The following KCNQ5 variants were observed in gnomAD, a reference collection of about 807,000 sequenced individuals.
KCNQ5 encodes the protein potassium voltage-gated channel subfamily Q member 5, also known as potassium voltage-gated channel subfamily KQT member 5.
Under a neutral mutation model 98.2 loss-of-function variants are expected in KCNQ5, and 30 were observed. The observed-to-expected ratio is 0.31, with a 90% CI of 0.23 to 0.41. The LOEUF is 0.41. Ranked by LOEUF, KCNQ5 falls within the 10% of genes least tolerant of loss-of-function variation. KCNQ5 has a pLI of 1.00. For synonymous variants in KCNQ5, 458 were observed against 449.4 expected, an observed-to-expected ratio of 1.02 and a Z score of -0.24; for missense variants, 835 against 1,182.5, an observed-to-expected ratio of 0.71 and a Z score of 4.31.
At chr6:72,655,030 T>G (rs371394475) in intron 1 of KCNQ5, among the ~76,000 whole-genome samples, 249 of 43,512 alleles carry the variant, frequency 5.7e-3, no homozygotes, top group South Asian at 0.023. Context: ...CTGTCTGTCT[T>G]TCTTTCTTTC....
chr6:72,660,972 C>T (rs567135029), intron 1 of KCNQ5, among the ~76,000 whole-genome samples: 174 of 151,992 alleles, frequency 1.1e-3, no homozygotes, highest in African/African-American at 3.6e-3. Flanking sequence ...ATAGAGGTCT[C>T]GTGTGTAGGT....
At chr6:72,827,137 T>C (rs1776037992) in intron 1 of KCNQ5, among the ~76,000 whole-genome samples, 1 of 152,218 alleles carries the variant, frequency 6.6e-6, no homozygotes, top group African/African-American at 2.4e-5. Context: ...GTGGTACACC[T>C]CAGTTGATGC....
At chr6:72,877,203 A>T (rs1483651414) in intron 1 of KCNQ5, among the ~76,000 whole-genome samples, 1 of 152,014 alleles carries the variant, frequency 6.6e-6, no homozygotes, top group African/African-American at 2.4e-5. Flanking sequence ...TCCTAATGCT[A>T]TCCCTCTCCT....
Position 72,622,636 on chromosome 6 carries a change from C to G in KCNQ5, c.398+49C>G. 6.2e-7 allele frequency: 1 copy of G among 1,600,664 alleles called. No homozygotes were observed. Among genetic ancestry groups the G allele is most frequent in the African/African-American group, 1.3e-5 (1 of 74,704 alleles). On this transcript the variant is annotated intron_variant, in intron 1 of 13. Coordinates refer to ENST00000370398, the MANE Select transcript of KCNQ5 (RefSeq NM_019842.4). This position sits in a 1 kb window ranked among gnomAD's most constrained non-coding sequence, Gnocchi z 6.0. The stretch of plus-strand genomic sequence containing the variant: ...TGCCCGCTGCAGGGGACCACTGTCC[C>G]TGGCCCCCTGGGGCGTGCTCCGCGC...
At chr6:72,702,323 A>C (rs968980371) in intron 1 of KCNQ5, among the ~76,000 whole-genome samples, 1 of 152,218 alleles carries the variant, frequency 6.6e-6, no homozygotes, top group Non-Finnish European at 1.5e-5. Context: ...CTGAGATAAC[A>C]GTAGGAACCA....
At chr6:72,779,484 AT>A (rs200174354) in intron 1 of KCNQ5, among the ~76,000 whole-genome samples, 15 of 151,354 alleles carry the variant, frequency 9.9e-5, no homozygotes, top group Admixed American at 3.3e-4. Flanking sequence ...TTACTTATTC[AT>A]TTTTTTTTCC....
At chr6:73,097,807 G>A (rs910095250) in intron 5 of KCNQ5, among the ~76,000 whole-genome samples, 1 of 152,210 alleles carries the variant, frequency 6.6e-6, no homozygotes, top group African/African-American at 2.4e-5. Flanking sequence ...GCATTACTGG[G>A]CTTGGGGTAC....
chr6:73,110,974 C>A (rs1775220267), intron 6 of KCNQ5, among the ~76,000 whole-genome samples: 1 of 152,076 alleles, frequency 6.6e-6, no homozygotes, highest in Non-Finnish European at 1.5e-5. Flanking sequence ...AGAAATGTCA[C>A]AGAGAAGGCC....
At chr6:72,843,269 G>A (rs1184648880) in intron 1 of KCNQ5, among the ~76,000 whole-genome samples, 1 of 152,060 alleles carries the variant, frequency 6.6e-6, no homozygotes, top group African/African-American at 2.4e-5. Context: ...TTTTTGTCAG[G>A]TTTGTCAAAG....
chr6:72,831,054 G>C (rs547764909), intron 1 of KCNQ5, among the ~76,000 whole-genome samples: 1 of 152,154 alleles, frequency 6.6e-6, no homozygotes, highest in African/African-American at 2.4e-5. Context: ...AGTTAGAATG[G>C]CGATCATTAA....
At chr6:72,840,309 T>C (rs1323482855) in intron 1 of KCNQ5, among the ~76,000 whole-genome samples, 4 of 152,218 alleles carry the variant, frequency 2.6e-5, no homozygotes, top group Non-Finnish European at 4.4e-5. Flanking sequence ...GGTAATTTTA[T>C]TTTTAGTATT....
At chr6:73,071,119 A>G (rs558381104) in intron 3 of KCNQ5, among the ~76,000 whole-genome samples, 4 of 152,286 alleles carry the variant, frequency 2.6e-5, no homozygotes, top group African/African-American at 9.6e-5. Context: ...GACTTATAAT[A>G]TCCCAGGTAA....
chr6:73,185,758 G>A (rs1778549051), intron 11 of KCNQ5, among the ~76,000 whole-genome samples: 2 of 152,312 alleles, frequency 1.3e-5, no homozygotes, highest in African/African-American at 2.4e-5. Flanking sequence ...AGGACTTTAG[G>A]AGGGAGGTAA....
chr6:73,044,398 A>T (rs535170715), intron 3 of KCNQ5, among the ~76,000 whole-genome samples: 1 of 152,382 alleles, frequency 6.6e-6, no homozygotes, highest in South Asian at 2.1e-4. Context: ...AGAAAATTTC[A>T]TGGATAAATA....
intron 1 of KCNQ5, among the ~76,000 whole-genome samples, chr6:72,829,800 A>G (rs1054669526): frequency 4.6e-5 from 7 of 152,318 alleles, no homozygotes; most frequent in African/African-American, 1.7e-4. Flanking sequence ...TCAAGTTTAC[A>G]TAAAAAAGAA....
chr6:73,089,193 A>G (rs1004578992), intron 5 of KCNQ5, among the ~76,000 whole-genome samples: 1 of 152,192 alleles, frequency 6.6e-6, no homozygotes, highest in Non-Finnish European at 1.5e-5. Context: ...CCCAACCCAC[A>G]TACAATTTAC....
At chr6:73,063,703 G>GATAA (rs1171568509) in intron 3 of KCNQ5, among the ~76,000 whole-genome samples, 8 of 124,020 alleles carry the variant, frequency 6.5e-5, no homozygotes, top group South Asian at 6.0e-4. Context: ...TAGATAGATA[G>GATAA]ATAGATAGAT....
intron 5 of KCNQ5, among the ~76,000 whole-genome samples, chr6:73,094,402 G>A (rs944947557): frequency 6.6e-6 from 1 of 152,112 alleles, no homozygotes; most frequent in African/African-American, 2.4e-5. Context: ...TACATTCAAC[G>A]TTAGTATTGA....
intron 1 of KCNQ5, among the ~76,000 whole-genome samples, chr6:72,789,126 C>T (rs1773901090): frequency 6.6e-6 from 1 of 152,016 alleles, no homozygotes; most frequent in African/African-American, 2.4e-5. Context: ...AATCTAAACC[C>T]ACCCTCCATG....
Sources: allele counts gnomAD v4.1 joint callset (sites outside exome capture counted in the v4.1 genomes callset), GRCh38; gene constraint gnomAD v4.1.1; non-coding constraint Gnocchi (gnomAD v3.1); transcripts MANE v1.5; gene names NCBI Gene and HGNC (gene_info 2026-07-23, HGNC 2026-07-21).